The following THBS3 variants were observed in gnomAD, a reference collection of about 807,000 sequenced individuals.
The protein encoded by THBS3 is thrombospondin 3, also known as thrombospondin-3.
THBS3 carries 78 observed loss-of-function variants against 118.3 expected under a neutral mutation model. That is an observed-to-expected ratio of 0.66 (90% CI 0.55 to 0.80). THBS3 has a LOEUF of 0.80. Among genes scored for constraint, THBS3 ranks in the 30% least tolerant of loss-of-function variants. The probability of loss-of-function intolerance (pLI) is 0.00; values close to 1 mark genes in which losing one functional copy is unlikely to be tolerated. For missense variants in THBS3, 1,057 were observed against 1,247.4 expected (o/e 0.85, Z 2.30); for synonymous variants, 427 against 475.3 (o/e 0.90, Z 1.32).
Position 155,200,604 on chromosome 1 carries a change from A to C in THBS3, c.1555T>G (p.Cys519Gly). 2.1e-6 allele frequency: 3 copies of C among 1,419,518 alleles called. No individual in the cohort carries two copies. The highest frequency in any genetic ancestry group is 3.0e-6 in the Non-Finnish European group (3 of 1,005,236). The allele number at this position is 1,419,518 out of a possible 1,614,324, so 87.9% of individuals were successfully genotyped here. ...GDGIKNVEDNCRLFPNKDQQN... is the reference protein window; with the variant it reads ...GDGIKNVEDNGRLFPNKDQQN... ...TGGTCTTTGTTGGGGAACAGCCGGC[A>C]GTTGTCCTGGGCAGAGGGGTGGGAG... The change falls in exon 14 of 23, where the codon TGC (cysteine) becomes GGC (glycine). Residue 519 changes from cysteine to glycine, a missense_variant. Transcript: ENST00000368378.
intron 13 of THBS3, 70 bp from the exon 14 acceptor site, chr1:155,200,680 T>C: frequency 6.3e-7 from 1 of 1,586,802 alleles, no homozygotes. Flanking sequence ...ACCTACCTTG[T>C]CTCTGTATCC....
Position 155,200,104 on chromosome 1 carries a change from T to C in THBS3, c.1718A>G (p.Asn573Ser), listed in dbSNP as rs961947065. The C allele has an allele frequency of 7.0e-6, 11 of 1,568,872 alleles. No individual in the cohort carries two copies. Among genetic ancestry groups the C allele is most frequent in the East Asian group, 6.8e-5 (3 of 44,438 alleles). The stretch of plus-strand genomic sequence containing the variant: ...GACTTTAGGGCAATTGTCCAATCCA[T>C]TGGGGATGCCTAGAAGACATGGGTA... ...DNDVDGDGIP[N>S]GLDNCPKVPN... The change falls in exon 15 of 23, where the codon AAT becomes AGT. Residue 573 changes from asparagine (N) to serine (S), a missense_variant. Transcript: ENST00000368378.
Position 155,206,952 on chromosome 1 carries a change from C to T in THBS3, c.80-546G>A, listed in dbSNP as rs1670639803. On this transcript the variant is annotated intron_variant, in intron 1 of 22. Transcript: ENST00000368378. The surrounding 1 kb of genome is among the most constrained non-coding windows in gnomAD (Gnocchi z 4.2). ...TTGCCTATTACTACCTTCCAGGAACCTGCAGGTTTGAGACTCACTTGGAAA... is the reference window on the plus strand; with the variant it reads ...TTGCCTATTACTACCTTCCAGGAACTTGCAGGTTTGAGACTCACTTGGAAA... Among the ~76,000 whole-genome samples the T allele has an allele frequency of 6.6e-6, 1 of 152,172 alleles. No homozygotes were observed. The highest frequency in any genetic ancestry group is 1.5e-5 in the Non-Finnish European group (1 of 68,022).
chr1:155,200,746 C>G, intron 13 of THBS3, 136 bp from the exon 14 acceptor site: 2 of 1,561,476 alleles, frequency 1.3e-6, no homozygotes, highest in Non-Finnish European at 1.7e-6. Context: ...TCCCACCCAC[C>G]CAGCCTCCTT....
At chr1:155,207,378 C>T (rs746433917) in intron 1 of THBS3, among the ~76,000 whole-genome samples, 35 of 152,230 alleles carry the variant, frequency 2.3e-4, no homozygotes, top group Admixed American at 7.9e-4. Flanking sequence ...CACCAGACCT[C>T]CGGGAGAGCC....
At chr1:155,203,633 A>T in intron 4 of THBS3, 94 bp from the exon 5 acceptor site, 4 of 1,484,116 alleles carry the variant, frequency 2.7e-6, no homozygotes, top group Non-Finnish European at 2.8e-6. Flanking sequence ...GGACAGGGAC[A>T]GGGCTGGAGC....
At chr1:155,208,304 C>T (rs963216958), upstream of THBS3, among the ~76,000 whole-genome samples, 1 of 152,198 alleles carries the variant, frequency 6.6e-6, no homozygotes, top group African/African-American at 2.4e-5. Flanking sequence ...CCGCAACTAG[C>T]TTGCTATAGT....
chr1:155,207,970 A>G, upstream of THBS3: 2 of 700,924 alleles, frequency 2.9e-6, no homozygotes, highest in South Asian at 1.6e-5. Context: ...GGAGGGACAG[A>G]ATTGGAGGGG....
In THBS3 at chr1:155,195,611, G is replaced by T; in HGVS notation, c.*230C>A. 2.0e-6 allele frequency: 1 copy of T among 507,202 alleles called. No homozygotes were observed. Among genetic ancestry groups the T allele is most frequent in the Non-Finnish European group, 3.6e-6 (1 of 280,090 alleles). 31.4% of individuals were successfully genotyped at this position (507,202 alleles called of 1,614,324 possible). On this transcript the variant is annotated 3_prime_UTR_variant, in exon 23 of 23. Coordinates refer to ENST00000368378, the MANE Select transcript of THBS3 (RefSeq NM_007112.5). Reference sequence around the variant, plus strand: ...GCTTAGAAAACAACCAAAACTTTATGGCAATGTGCTGTCATCTTTCCTGGG... The same window carrying T: ...GCTTAGAAAACAACCAAAACTTTATTGCAATGTGCTGTCATCTTTCCTGGG...
Position 155,197,661 on chromosome 1 carries a change from T to TGGG in THBS3, c.2303-5_2303-3dup. 1 of 576,270 alleles carries TGGG rather than the reference T, an allele frequency of 1.7e-6. No homozygotes were observed. The highest frequency in any genetic ancestry group is 2.8e-6 in the Non-Finnish European group (1 of 354,056). 35.7% of individuals were successfully genotyped at this position (576,270 alleles called of 1,614,324 possible). A position where few individuals can be genotyped will look rare whatever the true frequency, so the allele number is the denominator to read the frequency against. Reference sequence around the variant, plus strand: ...CCACACCATTGAAGGCCGTGTATCCTGGGGTGGGGGTGGGATAAAGGTCAG... The same window carrying TGGG: ...CCACACCATTGAAGGCCGTGTATCCTGGGGGGGTGGGGGTGGGATAAAGGTCAG... On this transcript the variant is annotated splice_polypyrimidine_tract_variant and splice_region_variant and intron_variant, in intron 19 of 22. Coordinates refer to ENST00000368378, the MANE Select transcript of THBS3 (RefSeq NM_007112.5). This position sits in a 1 kb window ranked among gnomAD's most constrained non-coding sequence, Gnocchi z 5.0.
intron 16 of THBS3, 89 bp from the exon 17 acceptor site, chr1:155,198,691 T>C (rs1048768513): frequency 7.3e-7 from 1 of 1,366,282 alleles, no homozygotes. Context: ...TGGAGCCTGC[T>C]CTCCATACAA....
Position 155,207,782 on chromosome 1 carries a change from A to T in THBS3, c.79+16T>A, listed in dbSNP as rs772172565. The T allele has an allele frequency of 3.1e-6, 5 of 1,613,672 alleles. No homozygotes were observed. The East Asian group carries it at 1.1e-4, about 36-fold the overall frequency. On this transcript the variant is annotated intron_variant, in intron 1 of 22. Transcript: ENST00000368378. ...AAGAAGCAGAGAGCGGTCTAAGAGG[A>T]TGGAGACAGGCTTACCCTGCAGATC...
chr1:155,205,430 A>C, intron 2 of THBS3, 114 bp from the exon 3 acceptor site: 1 of 1,391,552 alleles, frequency 7.2e-7, no homozygotes, highest in Admixed American at 2.2e-5. Context: ...CCCTAATTCT[A>C]CTATGTGGCT....
At chr1:155,199,494 C>T (rs1395533181) in intron 16 of THBS3, among the ~76,000 whole-genome samples, 2 of 151,736 alleles carry the variant, frequency 1.3e-5, no homozygotes, top group Non-Finnish European at 2.9e-5. Context: ...TGGCTCACAC[C>T]TGTAATCACA....
chr1:155,198,353 C>A, intron 17 of THBS3, 56 bp downstream of exon 17: 1 of 1,592,370 alleles, frequency 6.3e-7, no homozygotes, highest in Non-Finnish European at 8.6e-7. Context: ...GGGCTTGCTG[C>A]CTCCACCTGG....
chr1:155,195,782 G>T lies in THBS3; in HGVS notation c.*59C>A. ...GTAGCTTAGACCTCAGGGTCTCCAGGATGGACCCCAAGGCCAAAGGGTCTA... is the reference window on the plus strand; with the variant it reads ...GTAGCTTAGACCTCAGGGTCTCCAGTATGGACCCCAAGGCCAAAGGGTCTA... On this transcript the variant is annotated 3_prime_UTR_variant, in exon 23 of 23. Coordinates refer to ENST00000368378, the MANE Select transcript of THBS3 (RefSeq NM_007112.5). 1 of 1,579,596 alleles carries T rather than the reference G, an allele frequency of 6.3e-7. No individual in the cohort carries two copies. Among genetic ancestry groups the T allele is most frequent in the Non-Finnish European group, 8.6e-7 (1 of 1,157,380 alleles).
chr1:155,208,694 CA>C, upstream of THBS3: 1 of 1,174,612 alleles, frequency 8.5e-7, no homozygotes. Context: ...TCCCCTCCCC[CA>C]CCCAAGCCCC....
chr1:155,203,223 C>G lies in THBS3; in HGVS notation c.756G>C (p.Gln252His). 6.2e-7 allele frequency: 1 copy of G among 1,614,234 alleles called. No individual in the cohort carries two copies. Among genetic ancestry groups the G allele is most frequent in the South Asian group, 1.1e-5 (1 of 91,090 alleles). ...CCACCCTTCGCCAGCCCACCCAAAC[C>G]TGGTCTCGTATATCATCCCGCAGCT... Reference protein sequence around the residue: ...LVELRDDIRDQVKEMSLIRNT... With the variant: ...LVELRDDIRDHVKEMSLIRNT... Residue 252 changes from glutamine to histidine, a missense_variant and splice_region_variant, in exon 6 of 23, where the codon CAG (glutamine) becomes CAC (histidine). Physicochemically the swap from Gln to His is conservative, Grantham distance 24. This residue lies in a region of THBS3 where 544 missense variants were observed against 715.6 expected (regional missense o/e 0.76). Transcript: ENST00000368378.
In THBS3 at chr1:155,204,844, C is replaced by A; in HGVS notation, c.646+11G>T. 6.2e-7 allele frequency: 1 copy of A among 1,613,162 alleles called. No homozygotes were observed. The highest frequency in any genetic ancestry group is 8.5e-7 in the Non-Finnish European group (1 of 1,179,336). ...CGTGGTCCAATGTCAGCAAACAAGT[C>A]TCTGTGTTACCTGCACTGTGGATGG... On this transcript the variant is annotated intron_variant, in intron 4 of 22. Transcript: ENST00000368378.
Sources: gnomAD v4.1 joint callset for allele counts (sites outside exome capture counted in the v4.1 genomes callset) on GRCh38, gnomAD v4.1.1 for gene constraint, gnomAD v4.1.1 regional missense constraint, Gnocchi (gnomAD v3.1) non-coding constraint, MANE v1.5 for transcripts, NCBI Gene and HGNC (gene_info 2026-07-23, HGNC 2026-07-21) for gene names.